The following MAPK10 variants were observed in gnomAD, a reference collection of about 807,000 sequenced individuals.
MAPK10 encodes JNK3 alpha protein kinase.
MAPK10 carries 25 observed loss-of-function variants against 59.3 expected under a neutral mutation model. That is an observed-to-expected ratio of 0.42 (90% CI 0.31 to 0.59). The LOEUF (loss-of-function observed/expected upper bound fraction) is 0.59, where lower values mean the gene tolerates loss of function less well. MAPK10 is among the 20% of genes least tolerant of loss of function. The pLI, the probability that MAPK10 is intolerant of heterozygous loss-of-function variation, is 0.15. For missense variants in MAPK10, 351 were observed against 568.9 expected (o/e 0.62, Z 3.90); for synonymous variants, 190 against 200.5 (o/e 0.95, Z 0.44).
chr4:86,142,661 A>G (rs2063901680), intron 4 of MAPK10, among the ~76,000 whole-genome samples: 1 of 152,220 alleles, frequency 6.6e-6, no homozygotes, highest in Non-Finnish European at 1.5e-5. Context: ...ATTTAGAAGG[A>G]TCAAGAAGTA....
rs752918915 is a variant in MAPK10 at position 86,359,866 on chromosome 4, C to CA, written c.-331dup. 428 of 984,434 alleles carry CA rather than the reference C, an allele frequency of 4.3e-4. No individual in the cohort carries two copies. Among genetic ancestry groups the CA allele is most frequent in the Non-Finnish European group, 4.9e-4 (405 of 829,652 alleles). The allele number at this position is 984,434 out of a possible 1,614,324, so 61.0% of individuals were successfully genotyped here. On this transcript the variant is annotated 5_prime_UTR_variant, in exon 1 of 14. It introduces an in-frame stop codon into an upstream open reading frame of the 5' UTR. Transcript: ENST00000641462. The stretch of plus-strand genomic sequence containing the variant: ...GCCCCTAGGAATTGAGGGGTGAGGA[C>CA]AAAAAAGGAAATTTGTAAAAATGAA...
At chr4:86,388,456 T>C (rs1280800330) in intron 1 of MAPK10, among the ~76,000 whole-genome samples, 2 of 152,162 alleles carry the variant, frequency 1.3e-5, no homozygotes, top group Non-Finnish European at 2.9e-5. Flanking sequence ...ACCCAGCAGA[T>C]ACCTCAGTGT....
intron 1 of MAPK10, among the ~76,000 whole-genome samples, chr4:86,395,530 A>G (rs1327470295): frequency 6.6e-6 from 1 of 152,328 alleles, no homozygotes; most frequent in Non-Finnish European, 1.5e-5. Context: ...ATCAATCACC[A>G]GGTATTGATA....
intron 11 of MAPK10, among the ~76,000 whole-genome samples, chr4:86,035,567 C>T (rs535371897): frequency 1.9e-3 from 274 of 145,968 alleles, no homozygotes; most frequent in Non-Finnish European, 3.1e-3. Flanking sequence ...GTTCTGACTG[C>T]GGTTAAAAAA....
intron 2 of MAPK10, among the ~76,000 whole-genome samples, chr4:86,294,083 C>T (rs2095297212): frequency 6.6e-6 from 1 of 152,232 alleles, no homozygotes; most frequent in Non-Finnish European, 1.5e-5. Flanking sequence ...TGTCCACGGA[C>T]ATACACCCGG....
At chr4:86,384,018 T>C (rs546392344) in intron 1 of MAPK10, 1 of 152,332 alleles carries the variant, frequency 6.6e-6, no homozygotes, top group South Asian at 2.1e-4. Flanking sequence ...TTTCGAAGCC[T>C]AATAGACTAG....
At chr4:86,141,501 A>G (rs2063637669) in intron 4 of MAPK10, among the ~76,000 whole-genome samples, 1 of 152,208 alleles carries the variant, frequency 6.6e-6, no homozygotes, top group Non-Finnish European at 1.5e-5. Context: ...CCATTCTCTT[A>G]TTATAGCAAA....
intron 9 of MAPK10, among the ~76,000 whole-genome samples, chr4:86,082,650 T>C (rs2149033028): frequency 6.6e-6 from 1 of 152,284 alleles, no homozygotes; most frequent in African/African-American, 2.4e-5. Flanking sequence ...ATCCAGAACC[T>C]GAAGGCAAAG....
intron 2 of MAPK10, among the ~76,000 whole-genome samples, chr4:86,205,630 T>C (rs904539815): frequency 7.2e-5 from 11 of 152,094 alleles, no homozygotes; most frequent in African/African-American, 2.6e-4. Flanking sequence ...AAGTAGAGTT[T>C]ATCCCAAGTA....
At chr4:86,433,009 T>A (rs114772544) in intron 1 of MAPK10, among the ~76,000 whole-genome samples, 1,666 of 152,240 alleles carry the variant, frequency 0.011, 22 homozygotes, top group Non-Finnish European at 0.017. Flanking sequence ...GAGTACTAAT[T>A]ATGGTCTCAG....
intron 1 of MAPK10, among the ~76,000 whole-genome samples, chr4:86,515,688 T>C (rs144881349): frequency 6.6e-6 from 1 of 151,754 alleles, no homozygotes; most frequent in East Asian, 1.9e-4. Context: ...GGATTATTTG[T>C]TTTTTTTCTT....
intron 1 of MAPK10, among the ~76,000 whole-genome samples, chr4:86,515,145 C>T (rs991691260): frequency 6.6e-6 from 1 of 152,246 alleles, no homozygotes; most frequent in African/African-American, 2.4e-5. Context: ...TAATGGTCTC[C>T]AATTCCAACC....
At chr4:86,263,474 T>C (rs1318657412) in intron 2 of MAPK10, among the ~76,000 whole-genome samples, 1 of 152,188 alleles carries the variant, frequency 6.6e-6, no homozygotes, top group Non-Finnish European at 1.5e-5. Context: ...CCTTTAACCC[T>C]TGGTGTTTCC....
At chr4:86,584,450 G>A (rs1762525568) in intron 1 of MAPK10, among the ~76,000 whole-genome samples, 1 of 152,084 alleles carries the variant, frequency 6.6e-6, no homozygotes, top group African/African-American at 2.4e-5. Flanking sequence ...ATTTTGGGGA[G>A]TATGGAGTTC....
At chr4:86,417,446 T>C (rs1234991195) in intron 1 of MAPK10, among the ~76,000 whole-genome samples, 2 of 152,222 alleles carry the variant, frequency 1.3e-5, no homozygotes, top group Non-Finnish European at 2.9e-5. Flanking sequence ...TAGACCATTT[T>C]CCAAATGTAT....
chr4:86,438,072 T>C (rs956183582), intron 1 of MAPK10, among the ~76,000 whole-genome samples: 13 of 152,236 alleles, frequency 8.5e-5, no homozygotes, highest in Admixed American at 7.2e-4. Context: ...ATTCAGGGCA[T>C]TGGTTACCTT....
chr4:86,355,724 T>C (rs1405235626), intron 1 of MAPK10, among the ~76,000 whole-genome samples: 2 of 152,132 alleles, frequency 1.3e-5, no homozygotes. Flanking sequence ...TAGTAGAGAA[T>C]ACAGGTAATA....
intron 1 of MAPK10, among the ~76,000 whole-genome samples, chr4:86,446,020 G>T (rs936131137): frequency 6.6e-6 from 1 of 152,092 alleles, no homozygotes; most frequent in African/African-American, 2.4e-5. Context: ...ATAACAGTTT[G>T]TTCAAAATAA....
At chr4:86,579,972 C>T (rs377698194) in intron 1 of MAPK10, among the ~76,000 whole-genome samples, 4 of 152,112 alleles carry the variant, frequency 2.6e-5, no homozygotes, top group East Asian at 2.0e-4. Context: ...TGCCACCACA[C>T]GGACTAATTA....
Sources: gnomAD v4.1 joint callset for allele counts (sites outside exome capture counted in the v4.1 genomes callset) on GRCh38, gnomAD v4.1.1 for gene constraint, MANE v1.5 for transcripts, NCBI Gene and HGNC (gene_info 2026-07-23, HGNC 2026-07-21) for gene names.